CNR2: variants seen among roughly 807,000 people sequenced by gnomAD.
The protein encoded by CNR2 is cannabinoid receptor 2 (macrophage).
For synonymous variants in CNR2, 172 were observed against 182.2 expected, an observed-to-expected ratio of 0.94 and a Z score of 0.45; for missense variants, 379 against 439.9, an observed-to-expected ratio of 0.86 and a Z score of 1.24.
chr1:23,903,415 TAAAAA>T (rs915019977), intron 1 of CNR2, among the ~76,000 whole-genome samples: 1 of 149,672 alleles, frequency 6.7e-6, no homozygotes, highest in Admixed American at 6.7e-5. Context: ...CCTCTACAAA[TAAAAA>T]AAAATTAGCC....
intron 1 of CNR2, among the ~76,000 whole-genome samples, chr1:23,891,416 C>A (rs542388877): frequency 1.2e-3 from 182 of 151,698 alleles, no homozygotes; most frequent in African/African-American, 4.2e-3. Flanking sequence ...TTCAGGAGTT[C>A]GAGACCAGCC....
intron 1 of CNR2, among the ~76,000 whole-genome samples, chr1:23,896,823 G>A (rs368217582): frequency 6.6e-6 from 1 of 151,928 alleles, no homozygotes; most frequent in Non-Finnish European, 1.5e-5. Flanking sequence ...GGAACTGATG[G>A]CTGTGTAACC....
intron 1 of CNR2, among the ~76,000 whole-genome samples, chr1:23,881,804 C>A (rs569362632): frequency 6.7e-6 from 1 of 149,354 alleles, no homozygotes; most frequent in African/African-American, 2.5e-5. Context: ...GCAGGAGAAT[C>A]GCTTGAACTT....
chr1:23,908,339 G>A (rs1640532092), intron 1 of CNR2, among the ~76,000 whole-genome samples: 1 of 152,090 alleles, frequency 6.6e-6, no homozygotes, highest in East Asian at 1.9e-4. Context: ...CTGTCACCCA[G>A]GCTAGAGTGC....
chr1:23,875,099 A>T lies in CNR2; in HGVS notation c.519T>A (p.Thr173=). The change falls in exon 2 of 2, where the codon ACT becomes ACA. Residue 173 remains threonine (T), a synonymous_variant. Transcript: ENST00000374472. ...LVSYLPLMGW[T]CCPRPCSELF... is the part of the protein sequence containing the mutation. ...GCTCAGAGCAGGGCCTGGGACAGCA[A>T]GTCCATCCCATGAGGGGCAGGTAGG... 5.0e-6 allele frequency: 8 copies of T among 1,601,124 alleles called. No homozygotes were observed. Among genetic ancestry groups the T allele is most frequent in the Non-Finnish European group, 6.0e-6 (7 of 1,172,990 alleles).
intron 1 of CNR2, chr1:23,902,099 G>A (rs1640409849): frequency 6.7e-7 from 1 of 1,493,374 alleles, no homozygotes; most frequent in African/African-American, 1.4e-5. Context: ...ATCAGATAGA[G>A]GGCTCGCCCC....
In CNR2 at chr1:23,873,621, A is replaced by G. The variant is rs1056113235; in HGVS notation, c.*914T>C. ...GCCCCATACCTGGCATATAGGAAGG[A>G]CATTTCCCCTCCTCCCACTTGCTCT... is the stretch of plus-strand genomic sequence containing the variant. On this transcript the variant is annotated 3_prime_UTR_variant, in exon 2 of 2. Coordinates refer to ENST00000374472, the MANE Select transcript of CNR2 (RefSeq NM_001841.3). 1 of 152,214 alleles carries G rather than the reference A, an allele frequency of 6.6e-6. No homozygotes were observed. Among genetic ancestry groups the G allele is most frequent in the Admixed American group, 6.6e-5 (1 of 15,260 alleles). 9.4% of individuals were successfully genotyped at this position (152,214 alleles called of 1,614,324 possible).
intron 1 of CNR2, chr1:23,902,360 C>G: frequency 6.3e-7 from 1 of 1,582,668 alleles, no homozygotes; most frequent in Middle Eastern, 2.0e-4. Context: ...GGCTCTGGGA[C>G]AGCAGGACGC....
intron 1 of CNR2, among the ~76,000 whole-genome samples, chr1:23,884,782 G>T (rs976815401): frequency 6.0e-5 from 9 of 150,134 alleles, no homozygotes; most frequent in Non-Finnish European, 1.0e-4. Context: ...AATGCTTGCT[G>T]CATAGCAGGT....
rs34254883 is a variant in CNR2 at position 23,873,260 on chromosome 1, C to CAG, written c.*1273_*1274dup. The CAG allele has an allele frequency of 0.63, 95,740 of 151,306 alleles. 30,664 individuals are homozygous for CAG. The highest frequency in any genetic ancestry group is 0.76 in the African/African-American group (31,132 of 41,230). 9.4% of individuals were successfully genotyped at this position (151,306 alleles called of 1,614,324 possible). A position where few individuals can be genotyped will look rare whatever the true frequency, so the allele number is the denominator to read the frequency against. ...TCTATTTTATTTTATTTTTTTGAGACAGTCTTGCTCTGTCACCCAGGCTGG... is the reference window on the plus strand; with the variant it reads ...TCTATTTTATTTTATTTTTTTGAGACAGAGTCTTGCTCTGTCACCCAGGCTGG... On this transcript the variant is annotated 3_prime_UTR_variant, in exon 2 of 2. Transcript: ENST00000374472.
intron 1 of CNR2, among the ~76,000 whole-genome samples, chr1:23,894,853 T>C (rs1051770678): frequency 6.6e-6 from 1 of 152,050 alleles, no homozygotes; most frequent in Non-Finnish European, 1.5e-5. Context: ...AAAACTAGGA[T>C]CCCATCCAGT....
At chr1:23,877,165 T>C (rs1639898384) in intron 1 of CNR2, among the ~76,000 whole-genome samples, 1 of 152,036 alleles carries the variant, frequency 6.6e-6, no homozygotes, top group South Asian at 2.1e-4. Flanking sequence ...AAAAGTCTGA[T>C]ATAAAAACAA....
At chr1:23,888,023 T>A (rs1640120540) in intron 1 of CNR2, among the ~76,000 whole-genome samples, 1 of 152,222 alleles carries the variant, frequency 6.6e-6, no homozygotes, top group Non-Finnish European at 1.5e-5. Context: ...ATGTAAGACA[T>A]GTTGCAAAAG....
intron 1 of CNR2, among the ~76,000 whole-genome samples, chr1:23,886,158 CA>C (rs1468608615): frequency 6.9e-6 from 1 of 145,442 alleles, no homozygotes; most frequent in Non-Finnish European, 1.5e-5. Flanking sequence ...CACTGCACTC[CA>C]GCCTGGGTGA....
chr1:23,889,371 C>A (rs1018538234), intron 1 of CNR2, among the ~76,000 whole-genome samples: 2 of 152,186 alleles, frequency 1.3e-5, no homozygotes, highest in African/African-American at 2.4e-5. Context: ...ATGCCACAAG[C>A]CTCACCGTTT....
rs1370840216 is a variant in CNR2, at chr1:23,889,752, A to G, written c.-45-14090T>C. On this transcript the variant is annotated intron_variant, in intron 1 of 1. Transcript: ENST00000374472. ...TTTGGGAACCAGACCTTCCTGGATT[A>G]AAATTCAGCTCTGCAACTTTCAGGA... Among the ~76,000 whole-genome samples the G allele has an allele frequency of 3.3e-5, 5 of 152,212 alleles. No homozygotes were observed. In the East Asian group the frequency reaches 9.6e-4, roughly 29 times the overall value.
intron 1 of CNR2, among the ~76,000 whole-genome samples, chr1:23,885,051 C>T (rs899714982): frequency 3.3e-5 from 5 of 152,220 alleles, no homozygotes; most frequent in Admixed American, 2.6e-4. Flanking sequence ...CCACCCACCT[C>T]GGCCTCCCAA....
At chr1:23,892,202 G>A (rs1196132600) in intron 1 of CNR2, among the ~76,000 whole-genome samples, 1 of 152,222 alleles carries the variant, frequency 6.6e-6, no homozygotes, top group Admixed American at 6.5e-5. Flanking sequence ...TTGACCTTGT[G>A]AACAGGCCAC....
At position 23,876,834 on chromosome 1, in the gene CNR2, C is replaced by CA. The variant is rs72220399; in HGVS notation, c.-45-1173dup. ...TGGGCGACAGAGCAAGACTCTGTCT[C>CA]AAAAAAAAAAAAAAAAAAAAGATGA... On this transcript the variant is annotated intron_variant, in intron 1 of 1. Transcript: ENST00000374472. 3.1e-3 allele frequency among the ~76,000 whole-genome samples: 375 copies of CA among 120,160 alleles called. 5 individuals are homozygous for CA. Among genetic ancestry groups the CA allele is most frequent in the East Asian group, 9.4e-3 (38 of 4,048 alleles). The allele number at this position is 120,160 out of a possible 152,430, so 78.8% of individuals were successfully genotyped here. A position where few individuals can be genotyped will look rare whatever the true frequency, so the allele number is the denominator to read the frequency against.
Sources: gnomAD v4.1 joint callset for allele counts (sites outside exome capture counted in the v4.1 genomes callset) on GRCh38, gnomAD v4.1.1 for gene constraint, MANE v1.5 for transcripts, NCBI Gene and HGNC (gene_info 2026-07-23, HGNC 2026-07-21) for gene names.